The following RFTN2 variants were observed in gnomAD, a reference collection of about 807,000 sequenced individuals.
RFTN2 encodes the protein raftlin family member 2.
Under a neutral mutation model 52.7 loss-of-function variants are expected in RFTN2, and 34 were observed. The ratio of observed to expected loss-of-function variants is 0.64; its 90% CI spans 0.49 to 0.86. The LOEUF is 0.86. RFTN2 is among the 40% of genes least tolerant of loss of function. The pLI is 0.00. For synonymous variants in RFTN2, 203 were observed against 217.7 expected, an observed-to-expected ratio of 0.93 and a Z score of 0.59; for missense variants, 536 against 600.1, an observed-to-expected ratio of 0.89 and a Z score of 1.12.
chr2:197,625,944 A>G (rs953931613), intron 5 of RFTN2, among the ~76,000 whole-genome samples: 3 of 151,748 alleles, frequency 2.0e-5, no homozygotes, highest in Admixed American at 6.6e-5. Context: ...GGCACCCACC[A>G]TGCCCGGCTA....
intron 1 of RFTN2, among the ~76,000 whole-genome samples, chr2:197,660,081 CTGCTAGTA>C (rs2088956221): frequency 6.6e-6 from 1 of 152,198 alleles, no homozygotes; most frequent in Non-Finnish European, 1.5e-5. Flanking sequence ...CTGGCCCAAA[CTGCTAGTA>C]AGTGGTGAGG....
At chr2:197,574,327 G>C (rs954868442) in intron 8 of RFTN2, among the ~76,000 whole-genome samples, 1 of 152,218 alleles carries the variant, frequency 6.6e-6, no homozygotes, top group African/African-American at 2.4e-5. Context: ...GGAGTCAAAA[G>C]AGATAATTTT....
chr2:197,672,190 T>C (rs981894491), intron 1 of RFTN2, among the ~76,000 whole-genome samples: 3 of 152,192 alleles, frequency 2.0e-5, no homozygotes, highest in African/African-American at 7.2e-5. Context: ...AGACTTGGCA[T>C]AAAGTTCCAG....
intron 8 of RFTN2, among the ~76,000 whole-genome samples, chr2:197,594,736 T>A (rs2106186497): frequency 6.6e-6 from 1 of 152,344 alleles, no homozygotes; most frequent in East Asian, 1.9e-4. Context: ...TAATTCTGTG[T>A]ACTTGGTCAT....
At chr2:197,611,198 T>C (rs2088053481) in intron 7 of RFTN2, among the ~76,000 whole-genome samples, 1 of 152,232 alleles carries the variant, frequency 6.6e-6, no homozygotes, top group African/African-American at 2.4e-5. Flanking sequence ...TACCAGCTCC[T>C]CTTTGTACCT....
intron 2 of RFTN2, 25 bp downstream of exon 2, chr2:197,646,458 C>T: frequency 1.9e-6 from 3 of 1,579,806 alleles, no homozygotes; most frequent in Non-Finnish European, 2.6e-6. Context: ...CCCTCACCTG[C>T]CTCTTTCTTG....
intron 5 of RFTN2, among the ~76,000 whole-genome samples, chr2:197,619,416 T>G (rs1174734012): frequency 2.0e-5 from 3 of 152,258 alleles, no homozygotes; most frequent in African/African-American, 7.2e-5. Context: ...TCTTCTGCCT[T>G]GGGATCCTGT....
chr2:197,591,245 G>C (rs529757620), intron 8 of RFTN2, among the ~76,000 whole-genome samples: 85 of 152,284 alleles, frequency 5.6e-4, no homozygotes, highest in Admixed American at 1.2e-3. Flanking sequence ...GCTAGATATA[G>C]AGTGCCGATT....
Position 197,675,314 on chromosome 2 carries a change from A to G in RFTN2, c.139+6T>C. On this transcript the variant is annotated splice_donor_region_variant and intron_variant, in intron 1 of 8. Transcript: ENST00000295049. ...ATTTAACAAACAAAATAGAAGCAAA[A>G]AGTACCTTGTAGAGTAAAATCCAGC... The G allele has an allele frequency of 6.3e-7, 1 of 1,579,634 alleles. No individual in the cohort carries two copies. Among genetic ancestry groups the G allele is most frequent in the African/African-American group, 1.4e-5 (1 of 73,142 alleles).
chr2:197,618,104 C>A, intron 5 of RFTN2, 183 bp from the exon 6 acceptor site: 1 of 325,272 alleles, frequency 3.1e-6, no homozygotes, highest in Non-Finnish European at 5.7e-6. Flanking sequence ...TCTCCCTCTC[C>A]CTCTCTTTCC....
chr2:197,582,449 G>A (rs2087525307), intron 8 of RFTN2, among the ~76,000 whole-genome samples: 1 of 152,060 alleles, frequency 6.6e-6, no homozygotes, highest in African/African-American at 2.4e-5. Flanking sequence ...TCCTCACCCT[G>A]ATCACACTTG....
Position 197,617,910 on chromosome 2 carries a change from G to C in RFTN2, c.940C>G (p.Pro314Ala). ...ATAAAAAATCCTTCCAAAGATTTAGGCAAATGTTCCCCTGTGAGGAAGAGG... is the reference window on the plus strand; with the variant it reads ...ATAAAAAATCCTTCCAAAGATTTAGCCAAATGTTCCCCTGTGAGGAAGAGG... ...FWETSKGEHL[P>A]KSLEGFFIYE... Residue 314 changes from proline (P) to alanine (A), a missense_variant, in exon 6 of 9, where the codon CCT becomes GCT. Transcript: ENST00000295049. The C allele has an allele frequency of 1.2e-6, 2 of 1,605,024 alleles. No homozygotes were observed. Among genetic ancestry groups the C allele is most frequent in the Non-Finnish European group, 1.7e-6 (2 of 1,175,344 alleles).
intron 5 of RFTN2, among the ~76,000 whole-genome samples, chr2:197,621,431 T>C (rs1395854670): frequency 7.1e-6 from 1 of 141,518 alleles, no homozygotes; most frequent in Non-Finnish European, 1.5e-5. Context: ...AATTGAAGGT[T>C]TGTGGCAATC....
intron 5 of RFTN2, among the ~76,000 whole-genome samples, chr2:197,620,891 G>A (rs967939977): frequency 2.0e-5 from 3 of 152,310 alleles, no homozygotes; most frequent in African/African-American, 2.4e-5. Flanking sequence ...GCTTGAACCC[G>A]GGAGGGGGAG....
At chr2:197,630,929 C>A (rs1055085465) in intron 5 of RFTN2, 82 bp downstream of exon 5, 21 of 897,188 alleles carry the variant, frequency 2.3e-5, no homozygotes, top group Non-Finnish European at 3.6e-5. Context: ...AGCCATAGAA[C>A]TTGAGAGGTA....
intron 3 of RFTN2, among the ~76,000 whole-genome samples, chr2:197,639,257 T>C (rs1185056098): frequency 7.7e-6 from 1 of 130,036 alleles, no homozygotes; most frequent in Non-Finnish European, 1.6e-5. Context: ...TGTGGCGTTC[T>C]CTGTATTTCC....
intron 3 of RFTN2, among the ~76,000 whole-genome samples, chr2:197,640,771 T>A (rs1478039255): frequency 6.6e-6 from 1 of 152,200 alleles, no homozygotes; most frequent in African/African-American, 2.4e-5. Flanking sequence ...CAGGAATGCT[T>A]ATTTTTACAC....
At chr2:197,633,648 A>G (rs538145716) in intron 4 of RFTN2, 70 bp downstream of exon 4, 2 of 1,252,672 alleles carry the variant, frequency 1.6e-6, no homozygotes, top group African/African-American at 1.5e-5. Flanking sequence ...TCATATTTCT[A>G]AAAAAAACCT....
chr2:197,586,087 C>T (rs1303322148), intron 8 of RFTN2, among the ~76,000 whole-genome samples: 6 of 152,212 alleles, frequency 3.9e-5, no homozygotes, highest in Non-Finnish European at 8.8e-5. Context: ...GATAAGCCCT[C>T]TATCAATACG....
Sources: gnomAD v4.1 joint callset for allele counts (sites outside exome capture counted in the v4.1 genomes callset) on GRCh38, gnomAD v4.1.1 for gene constraint, MANE v1.5 for transcripts, NCBI Gene and HGNC (gene_info 2026-07-23, HGNC 2026-07-21) for gene names.